The following AQP4 variants were observed in gnomAD, a reference collection of about 807,000 sequenced individuals.
AQP4 encodes aquaporin 4.
A neutral mutation model predicts 27.8 loss-of-function variants in AQP4; 18 were observed. The observed-to-expected ratio is 0.65, with a 90% CI of 0.45 to 0.96. The LOEUF (loss-of-function observed/expected upper bound fraction) is 0.96, where lower values mean the gene tolerates loss of function less well. Ranked by LOEUF, AQP4 falls within the 40% of genes least tolerant of loss-of-function variation. The probability of loss-of-function intolerance (pLI) is 0.00; values close to 1 mark genes in which losing one functional copy is unlikely to be tolerated. For synonymous variants in AQP4, 141 were observed against 142.9 expected (o/e 0.99, Z 0.10); for missense variants, 412 against 408.2 (o/e 1.01, Z -0.08).
rs2054821943 is a variant in AQP4, at chr18:26,855,330, G to A, written c.*881C>T. ...AAATTTTTTAAAAATAAGCAAAGTG[G>A]TAAAGGGGTTAAAAGCTTAGATCGT... is the stretch of plus-strand genomic sequence containing the variant. On this transcript the variant is annotated 3_prime_UTR_variant, in exon 5 of 5. Transcript: ENST00000383168. 6.6e-6 allele frequency: 1 copy of A among 152,202 alleles called. No homozygotes were observed. The highest frequency in any genetic ancestry group is 2.4e-5 in the African/African-American group (1 of 41,446). 9.4% of individuals were successfully genotyped at this position (152,202 alleles called of 1,614,324 possible). A position where few individuals can be genotyped will look rare whatever the true frequency, so the allele number is the denominator to read the frequency against.
chr18:26,862,429 G>T lies in AQP4; in HGVS notation c.200C>A (p.Pro67Gln). 1 of 1,614,180 alleles carries T rather than the reference G, an allele frequency of 6.2e-7. No homozygotes were observed. The highest frequency in any genetic ancestry group is 1.1e-5 in the South Asian group (1 of 91,080). Residue 67 changes from proline (P) to glutamine (Q), a missense_variant, in exon 2 of 5, where the codon CCG becomes CAG. Transcript: ENST00000383168. Reference protein sequence around the residue: ...INWGGTEKPLPVDMVLISLCF... With the variant: ...INWGGTEKPLQVDMVLISLCF... The stretch of plus-strand genomic sequence containing the variant: ...AAGGGAGATGAGAACCATGTCGACC[G>T]GTAAAGGCTTTTCTGTTCCACCCCA...
intron 2 of AQP4, chr18:26,861,935 A>G: frequency 1.8e-6 from 1 of 565,780 alleles, no homozygotes; most frequent in Non-Finnish European, 3.2e-6. Flanking sequence ...AGGGGAGGAA[A>G]AAACCAACAC....
At chr18:26,861,033 A>G in intron 3 of AQP4, 98 bp downstream of exon 3, 1 of 1,477,620 alleles carries the variant, frequency 6.8e-7, no homozygotes, top group South Asian at 1.1e-5. Flanking sequence ...ATGGCTGGAT[A>G]CTAAAGAGCT....
chr18:26,861,721 C>T (rs1024855388), intron 2 of AQP4, among the ~76,000 whole-genome samples: 1 of 151,918 alleles, frequency 6.6e-6, no homozygotes, highest in African/African-American at 2.4e-5. Flanking sequence ...AGCCCTGGTG[C>T]TGAGTTAACA....
chr18:26,859,685 T>A (rs544920432), intron 4 of AQP4, among the ~76,000 whole-genome samples: 30 of 152,228 alleles, frequency 2.0e-4, no homozygotes, highest in Non-Finnish European at 2.6e-4. Context: ...CTTATTCTGT[T>A]ATTTAATGCT....
Position 26,852,423 on chromosome 18 carries a change from C to T in AQP4, c.*3788G>A, listed in dbSNP as rs73945972. The T allele has an allele frequency of 0.03, 4,867 of 160,266 alleles. 100 individuals are homozygous for T. Among genetic ancestry groups the T allele is most frequent in the South Asian group, 0.097 (474 of 4,894 alleles). 9.9% of individuals were successfully genotyped at this position (160,266 alleles called of 1,614,324 possible). On this transcript the variant is annotated 3_prime_UTR_variant, in exon 5 of 5. Coordinates refer to ENST00000383168, the MANE Select transcript of AQP4 (RefSeq NM_001650.7). ...AAATTAGACGTATTTTTTAGCTCTT[C>T]GATTTTTTTTAAACATGAGTGAGTC... is the stretch of plus-strand genomic sequence containing the variant.
rs947697010 is a variant in AQP4, at chr18:26,852,269, C to A, written c.*3942G>T. The stretch of plus-strand genomic sequence containing the variant: ...GTTCAGTCTATTCTCCCCAGTTTAT[C>A]CTAAATGACAATTTTATTGTGATTT... On this transcript the variant is annotated 3_prime_UTR_variant, in exon 5 of 5. Transcript: ENST00000383168. 2 of 152,072 alleles carry A rather than the reference C, an allele frequency of 1.3e-5. No individual in the cohort carries two copies. The highest frequency in any genetic ancestry group is 4.8e-5 in the African/African-American group (2 of 41,408). 9.4% of individuals were successfully genotyped at this position (152,072 alleles called of 1,614,324 possible).
intron 3 of AQP4, 28 bp downstream of exon 3, chr18:26,861,103 G>T (rs747875792): frequency 1.9e-6 from 3 of 1,612,376 alleles, no homozygotes; most frequent in East Asian, 2.2e-5. Context: ...AGGTGGGATT[G>T]ATTATTTAAA....
Position 26,862,463 on chromosome 18 carries a change from T to C in AQP4, c.166A>G (p.Thr56Ala). Residue 56 changes from threonine to alanine, a missense_variant, in exon 2 of 5, where the codon ACC becomes GCC. By Grantham distance (58) the Thr-to-Ala change is moderately conservative. Transcript: ENST00000383168. Reference sequence around the variant, plus strand: ...TTTTCTGTTCCACCCCAGTTGATGGTGGATCCCAGGCTGAGGAGAACAAAA... The same window carrying C: ...TTTTCTGTTCCACCCCAGTTGATGGCGGATCCCAGGCTGAGGAGAACAAAA... Reference protein sequence around the residue: ...LIFVLLSLGSTINWGGTEKPL... With the variant: ...LIFVLLSLGSAINWGGTEKPL... 2 of 1,614,162 alleles carry C rather than the reference T, an allele frequency of 1.2e-6. No individual in the cohort carries two copies. Among genetic ancestry groups the C allele is most frequent in the Non-Finnish European group, 1.7e-6 (2 of 1,180,018 alleles).
At position 26,860,865 on chromosome 18, in the gene AQP4, A is replaced by G; in HGVS notation, c.613-13T>C. ...CAGTATAATTGATCTATAGGAAACA[A>G]GAAAACAACTTCAGACATTGCTGAA... On this transcript the variant is annotated splice_polypyrimidine_tract_variant and intron_variant, in intron 3 of 4. Coordinates refer to ENST00000383168, the MANE Select transcript of AQP4 (RefSeq NM_001650.7). 1.2e-6 allele frequency: 2 copies of G among 1,612,256 alleles called. No homozygotes were observed. Among genetic ancestry groups the G allele is most frequent in the Non-Finnish European group, 1.7e-6 (2 of 1,178,258 alleles).
At position 26,856,110 on chromosome 18, in the gene AQP4, T is replaced by C; in HGVS notation, c.*101A>G. 1 of 1,437,624 alleles carries C rather than the reference T, an allele frequency of 7.0e-7. No homozygotes were observed. Among genetic ancestry groups the C allele is most frequent in the Non-Finnish European group, 9.8e-7 (1 of 1,024,338 alleles). The allele number at this position is 1,437,624 out of a possible 1,614,324, so 89.1% of individuals were successfully genotyped here. A position where few individuals can be genotyped will look rare whatever the true frequency, so the allele number is the denominator to read the frequency against. ...GTAATATGACATGAAACAACAAACC[T>C]GCACATTTCTAATTTATAACAAATC... On this transcript the variant is annotated 3_prime_UTR_variant, in exon 5 of 5. Coordinates refer to ENST00000383168, the MANE Select transcript of AQP4 (RefSeq NM_001650.7).
rs1294934735 is a variant in AQP4 at position 26,853,509 on chromosome 18, C to T, written c.*2702G>A. The T allele has an allele frequency of 3.3e-5, 5 of 152,058 alleles. No individual in the cohort carries two copies. The highest frequency in any genetic ancestry group is 1.2e-4 in the African/African-American group (5 of 41,396). 9.4% of individuals were successfully genotyped at this position (152,058 alleles called of 1,614,324 possible). A position where few individuals can be genotyped will look rare whatever the true frequency, so the allele number is the denominator to read the frequency against. On this transcript the variant is annotated 3_prime_UTR_variant, in exon 5 of 5. Coordinates refer to ENST00000383168, the MANE Select transcript of AQP4 (RefSeq NM_001650.7). ...TCAATTTTAGGGTACTTGTACTCTT[C>T]CTTAGGGAAGAGACAGTTGGCATTG...
intron 4 of AQP4, among the ~76,000 whole-genome samples, chr18:26,859,309 C>G (rs1310513829): frequency 6.6e-6 from 1 of 152,194 alleles, no homozygotes; most frequent in Non-Finnish European, 1.5e-5. Flanking sequence ...CACCTAAGGT[C>G]AGGAGTTCGA....
At chr18:26,862,689 T>C in intron 1 of AQP4, 93 bp from the exon 2 acceptor site, 2 of 1,563,084 alleles carry the variant, frequency 1.3e-6, no homozygotes, top group African/African-American at 2.7e-5. Flanking sequence ...TCGGGTACTG[T>C]GGGCAGGGGC....
At chr18:26,861,815 CATCTTATG>C (rs1290865813) in intron 2 of AQP4, among the ~76,000 whole-genome samples, 1 of 151,774 alleles carries the variant, frequency 6.6e-6, no homozygotes. Flanking sequence ...GATCATTGTA[CATCTTATG>C]AACATGACAA....
chr18:26,856,383 C>A lies in AQP4; in HGVS notation c.800G>T (p.Ser267Ile), dbSNP rs746404258. The A allele has an allele frequency of 6.2e-7, 1 of 1,614,226 alleles. No individual in the cohort carries two copies. The highest frequency in any genetic ancestry group is 8.5e-7 in the Non-Finnish European group (1 of 1,180,048). ...EFKRRFKEAF[S>I]KAAQQTKGSY... ...TCCTTTTGTTTGCTGGGCAGCTTTG[C>A]TGAAGGCTTCTTTAAAACGACGTTT... Residue 267 changes from serine (S) to isoleucine (I), a missense_variant, in exon 5 of 5, where the codon AGC (serine) becomes ATC (isoleucine). Ser to Ile is a moderately radical substitution (Grantham distance 142). Transcript: ENST00000383168.
chr18:26,860,412 AT>A lies in AQP4; in HGVS notation c.693+359del, dbSNP rs753262949. On this transcript the variant is annotated intron_variant, in intron 4 of 4. Transcript: ENST00000383168. Reference sequence around the variant, plus strand: ...AGCTGGGAAGACTTTACTTTCAATTATTTAAACACCATATTCACTACACCAT... The same window carrying A: ...AGCTGGGAAGACTTTACTTTCAATTATTAAACACCATATTCACTACACCAT... 1.1e-4 allele frequency among the ~76,000 whole-genome samples: 17 copies of A among 152,040 alleles called. No individual in the cohort carries two copies. The East Asian group carries it at 2.3e-3, about 21-fold the overall frequency.
Position 26,853,160 on chromosome 18 carries a change from C to A in AQP4, c.*3051G>T, listed in dbSNP as rs979766413. The A allele has an allele frequency of 2.3e-5, 8 of 343,430 alleles. No homozygotes were observed. The highest frequency in any genetic ancestry group is 4.2e-5 in the Non-Finnish European group (8 of 191,730). The allele number at this position is 343,430 out of a possible 1,614,324, so 21.3% of individuals were successfully genotyped here. ...TCCTTGTAAAGTCTTCAATACTGAGCAGCAGCTCTAGCTAGCACCTATGAG... is the reference window on the plus strand; with the variant it reads ...TCCTTGTAAAGTCTTCAATACTGAGAAGCAGCTCTAGCTAGCACCTATGAG... On this transcript the variant is annotated 3_prime_UTR_variant, in exon 5 of 5. Coordinates refer to ENST00000383168, the MANE Select transcript of AQP4 (RefSeq NM_001650.7).
At chr18:26,857,055 G>T (rs1360029056) in intron 4 of AQP4, among the ~76,000 whole-genome samples, 2 of 152,104 alleles carry the variant, frequency 1.3e-5, no homozygotes, top group African/African-American at 4.8e-5. Context: ...GTAAAGTGGG[G>T]ATTATAATAA....
Sources: allele counts gnomAD v4.1 joint callset (sites outside exome capture counted in the v4.1 genomes callset), GRCh38; gene constraint gnomAD v4.1.1; transcripts MANE v1.5; gene names NCBI Gene and HGNC (gene_info 2026-07-23, HGNC 2026-07-21).